Variants in DCC observed in about 807,000 individuals in gnomAD.
The protein encoded by DCC is DCC netrin 1 receptor.
In DCC, 58 loss-of-function variants were observed where a neutral mutation model predicts 172.5. That is an observed-to-expected ratio of 0.34 (90% CI 0.27 to 0.42). The LOEUF (loss-of-function observed/expected upper bound fraction) is 0.42. Among genes scored for constraint, DCC ranks in the 10% least tolerant of loss-of-function variants. The pLI, the probability that DCC is intolerant of heterozygous loss-of-function variation, is 1.00. For synonymous variants in DCC, 709 were observed against 644.5 expected (o/e 1.10, Z -1.52); for missense variants, 1,740 against 1,791.0 (o/e 0.97, Z 0.51).
intron 1 of DCC, among the ~76,000 whole-genome samples, chr18:52,439,586 A>C (rs1987910165): frequency 6.6e-6 from 1 of 152,162 alleles, no homozygotes; most frequent in South Asian, 2.1e-4. Context: ...TTAGGTGTTG[A>C]CATTTTATGA....
intron 15 of DCC, among the ~76,000 whole-genome samples, chr18:53,358,435 A>G (rs2057903443): frequency 1.3e-5 from 2 of 151,144 alleles, no homozygotes; most frequent in South Asian, 2.1e-4. Flanking sequence ...TACCAAAATT[A>G]TTTTATAAAA....
At chr18:52,669,160 C>T (rs771807983) in intron 1 of DCC, among the ~76,000 whole-genome samples, 25 of 152,224 alleles carry the variant, frequency 1.6e-4, no homozygotes, top group Non-Finnish European at 3.4e-4. Flanking sequence ...AAGCTGTCCT[C>T]TTGTGCTGAG....
At chr18:52,965,435 T>C (rs1268833729) in intron 5 of DCC, among the ~76,000 whole-genome samples, 1 of 152,150 alleles carries the variant, frequency 6.6e-6, no homozygotes, top group Non-Finnish European at 1.5e-5. Flanking sequence ...AAGTACAAAT[T>C]TCTAAGCAAT....
intron 1 of DCC, among the ~76,000 whole-genome samples, chr18:52,484,565 G>A (rs1188319437): frequency 6.6e-6 from 1 of 152,066 alleles, no homozygotes; most frequent in Non-Finnish European, 1.5e-5. Flanking sequence ...TGAGGCTGGA[G>A]TGCAAGTAAT....
chr18:53,338,327 G>A (rs1157312093), intron 14 of DCC, among the ~76,000 whole-genome samples: 1 of 152,168 alleles, frequency 6.6e-6, no homozygotes, highest in African/African-American at 2.4e-5. Flanking sequence ...TAATTGGCTG[G>A]GCACGATGGC....
intron 27 of DCC, among the ~76,000 whole-genome samples, chr18:53,524,323 T>C (rs1189008464): frequency 6.6e-6 from 1 of 151,878 alleles, no homozygotes; most frequent in Non-Finnish European, 1.5e-5. Flanking sequence ...AAAATGTTCA[T>C]AATGAAAACT....
intron 5 of DCC, among the ~76,000 whole-genome samples, chr18:53,010,826 A>T (rs1232933041): frequency 6.6e-6 from 1 of 151,208 alleles, no homozygotes; most frequent in Non-Finnish European, 1.5e-5. Flanking sequence ...AAAGACTTAG[A>T]AATTCAGTAA....
chr18:53,361,492 TGACAGG>T (rs1377019536), intron 15 of DCC, among the ~76,000 whole-genome samples: 1 of 151,992 alleles, frequency 6.6e-6, no homozygotes, highest in African/African-American at 2.4e-5. Context: ...AGCATTAGAG[TGACAGG>T]GAATGATCAC....
At chr18:53,083,431 C>G (rs926627173) in intron 7 of DCC, among the ~76,000 whole-genome samples, 2 of 152,128 alleles carry the variant, frequency 1.3e-5, no homozygotes, top group Non-Finnish European at 2.9e-5. Flanking sequence ...TCAGTTTCCC[C>G]TACATTTTAT....
intron 1 of DCC, among the ~76,000 whole-genome samples, chr18:52,728,200 T>C (rs1282014186): frequency 6.6e-6 from 1 of 151,500 alleles, no homozygotes; most frequent in Non-Finnish European, 1.5e-5. Context: ...TCTCTCAATC[T>C]CTCTCAATGA....
chr18:53,168,801 C>T (rs879728148), intron 8 of DCC, among the ~76,000 whole-genome samples: 5 of 151,914 alleles, frequency 3.3e-5, no homozygotes, highest in Admixed American at 3.3e-4. Context: ...TGGGGCAGGA[C>T]GGCTCATTGC....
chr18:53,337,287 G>T (rs2057602423), intron 14 of DCC, among the ~76,000 whole-genome samples: 1 of 152,170 alleles, frequency 6.6e-6, no homozygotes, highest in East Asian at 1.9e-4. Flanking sequence ...AAATGCAGAA[G>T]ATCTAGTTTA....
Position 52,815,813 on chromosome 18 carries a change from T to C in DCC, c.412+63439T>C, listed in dbSNP as rs182863441. 1.6e-3 allele frequency among the ~76,000 whole-genome samples: 242 copies of C among 152,344 alleles called. 2 individuals are homozygous for C. In the Middle Eastern group the frequency reaches 0.017, roughly 11 times the overall value. On this transcript the variant is annotated intron_variant, in intron 2 of 28. Coordinates refer to ENST00000442544, the MANE Select transcript of DCC (RefSeq NM_005215.4). ...TGATATAGGACATGTTATATAAATA[T>C]CTTGCAAAAGACATCGACAACTCCA...
chr18:52,358,351 A>AG (rs1348345632), intron 1 of DCC, among the ~76,000 whole-genome samples: 1 of 152,232 alleles, frequency 6.6e-6, no homozygotes, highest in African/African-American at 2.4e-5. Context: ...ATCTGGAGTC[A>AG]GGTGAACTTG....
intron 12 of DCC, among the ~76,000 whole-genome samples, chr18:53,243,775 G>A (rs1422279611): frequency 6.6e-6 from 1 of 152,126 alleles, no homozygotes; most frequent in Non-Finnish European, 1.5e-5. Flanking sequence ...TGAAGTGAAG[G>A]GTTAAGAACA....
chr18:52,794,318 G>T (rs913493684), intron 2 of DCC, among the ~76,000 whole-genome samples: 1 of 151,812 alleles, frequency 6.6e-6, no homozygotes, highest in African/African-American at 2.4e-5. Flanking sequence ...ACGTTTGCTT[G>T]TGTCTTCAAT....
In DCC at chr18:53,530,848, A is replaced by G. The variant is rs1568191162; in HGVS notation, c.*195A>G. 1.5e-6 allele frequency: 1 copy of G among 646,884 alleles called. No individual in the cohort carries two copies. The highest frequency in any genetic ancestry group is 2.7e-5 in the East Asian group (1 of 36,528). The allele number at this position is 646,884 out of a possible 1,614,324, so 40.1% of individuals were successfully genotyped here. Reference sequence around the variant, plus strand: ...CTTTCACAGGCATCAGGAATTGTCAAATGATGATTATGAGTTCCCTAAACA... The same window carrying G: ...CTTTCACAGGCATCAGGAATTGTCAGATGATGATTATGAGTTCCCTAAACA... On this transcript the variant is annotated 3_prime_UTR_variant, in exon 29 of 29. Transcript: ENST00000442544.
chr18:52,868,053 A>ATATATGTGTGTGTGTG (rs61579666), intron 2 of DCC, among the ~76,000 whole-genome samples: 3 of 144,356 alleles, frequency 2.1e-5, no homozygotes, highest in African/African-American at 7.8e-5. Context: ...ATATATATAT[A>ATATATGTGTGTGTGTG]TGTGTGTGTG....
intron 1 of DCC, among the ~76,000 whole-genome samples, chr18:52,445,253 CTAA>C (rs993463484): frequency 1.3e-5 from 2 of 151,988 alleles, no homozygotes; most frequent in African/African-American, 4.8e-5. Context: ...GTAATAGCAA[CTAA>C]TAATAATAAT....
Sources: gnomAD v4.1 joint callset for allele counts (sites outside exome capture counted in the v4.1 genomes callset) on GRCh38, gnomAD v4.1.1 for gene constraint, MANE v1.5 for transcripts, NCBI Gene and HGNC (gene_info 2026-07-23, HGNC 2026-07-21) for gene names.